KSR2: variants seen among roughly 807,000 people sequenced by gnomAD.
The protein encoded by KSR2 is kinase suppressor of ras 2.
A neutral mutation model predicts 107.8 loss-of-function variants in KSR2; 25 were observed. That is an observed-to-expected ratio of 0.23 (90% CI 0.17 to 0.32). The LOEUF (loss-of-function observed/expected upper bound fraction) is 0.32, where lower values mean the gene tolerates loss of function less well. KSR2 is among the 10% of genes least tolerant of loss of function. The pLI, the probability that KSR2 is intolerant of heterozygous loss-of-function variation, is 1.00. For synonymous variants in KSR2, 480 were observed against 507.0 expected, an observed-to-expected ratio of 0.95 and a Z score of 0.71; for missense variants, 887 against 1,268.9, an observed-to-expected ratio of 0.70 and a Z score of 4.57.
At chr12:117,752,776 T>C (rs548348522) in intron 4 of KSR2, among the ~76,000 whole-genome samples, 41 of 152,334 alleles carry the variant, frequency 2.7e-4, no homozygotes, top group African/African-American at 9.4e-4. Context: ...ATTTAAAATA[T>C]AATTCAGTTT....
chr12:117,510,278 C>T (rs564562022), intron 14 of KSR2, among the ~76,000 whole-genome samples: 2 of 152,314 alleles, frequency 1.3e-5, no homozygotes, highest in South Asian at 4.1e-4. Flanking sequence ...ATTATTATTA[C>T]TACGTGATTT....
intron 14 of KSR2, among the ~76,000 whole-genome samples, chr12:117,502,699 A>G (rs1873453268): frequency 1.3e-5 from 2 of 152,198 alleles, no homozygotes; most frequent in South Asian, 4.1e-4. Flanking sequence ...TTGTTTTAAA[A>G]AAGAAAAAAA....
At chr12:117,474,613 C>T (rs902624354) in intron 17 of KSR2, among the ~76,000 whole-genome samples, 3 of 152,088 alleles carry the variant, frequency 2.0e-5, no homozygotes, top group African/African-American at 4.8e-5. Flanking sequence ...TTTGCATGGC[C>T]ATGGGAGCCT....
rs144863858 is a variant in KSR2 at position 117,890,590 on chromosome 12, T to G, written c.181-30159A>C. ...TTTTGCAGGTTCTAAGAACTTTTCA[T>G]AGAAGAACCATATTTGTCCATGCTT... On this transcript the variant is annotated intron_variant, in intron 1 of 19. Transcript: ENST00000339824. Among the ~76,000 whole-genome samples, 233 of 152,376 alleles carry G rather than the reference T, an allele frequency of 1.5e-3. 2 individuals carry two copies. Among genetic ancestry groups the G allele is most frequent in the African/African-American group, 5.2e-3 (218 of 41,600 alleles).
chr12:117,492,403 T>C (rs16947636), intron 14 of KSR2, among the ~76,000 whole-genome samples: 15,841 of 152,152 alleles, frequency 0.1, 1,462 homozygotes, highest in African/African-American at 0.25. Flanking sequence ...CTCCAAACGC[T>C]TCAGCACCAA....
intron 5 of KSR2, among the ~76,000 whole-genome samples, chr12:117,638,003 T>C (rs1024894057): frequency 1.4e-4 from 21 of 152,284 alleles, no homozygotes; most frequent in Non-Finnish European, 2.5e-4. Flanking sequence ...GGCCTATTCA[T>C]AGAATGAAGT....
intron 1 of KSR2, among the ~76,000 whole-genome samples, chr12:117,863,625 G>A (rs191596797): frequency 1.3e-3 from 194 of 152,302 alleles, no homozygotes; most frequent in Middle Eastern, 0.01. Context: ...CTGGTTTCCT[G>A]TGGCTGCTGT....
chr12:117,585,163 T>C (rs988213385), intron 5 of KSR2, among the ~76,000 whole-genome samples: 1 of 152,084 alleles, frequency 6.6e-6, no homozygotes, highest in Non-Finnish European at 1.5e-5. Context: ...TAATAAAGAA[T>C]TAAACATCCC....
chr12:117,498,734 C>T (rs544150495), intron 14 of KSR2, among the ~76,000 whole-genome samples: 1 of 152,208 alleles, frequency 6.6e-6, no homozygotes, highest in East Asian at 1.9e-4. Flanking sequence ...GTGCCATTCT[C>T]GTGATAGTGA....
At chr12:117,808,637 G>A (rs1891087903) in intron 3 of KSR2, among the ~76,000 whole-genome samples, 1 of 152,166 alleles carries the variant, frequency 6.6e-6, no homozygotes, top group African/African-American at 2.4e-5. Context: ...AACGTAGCAT[G>A]TCTAATTGCA....
At chr12:117,833,658 T>C (rs530677562) in intron 3 of KSR2, among the ~76,000 whole-genome samples, 32 of 152,272 alleles carry the variant, frequency 2.1e-4, no homozygotes, top group African/African-American at 7.2e-4. Flanking sequence ...TATGAGCCAT[T>C]GTGCCTGGCC....
chr12:117,557,590 G>A (rs1877796812), intron 8 of KSR2, among the ~76,000 whole-genome samples: 1 of 152,212 alleles, frequency 6.6e-6, no homozygotes, highest in African/African-American at 2.4e-5. Context: ...CCTACGATGT[G>A]CAGTAGAACT....
intron 3 of KSR2, among the ~76,000 whole-genome samples, chr12:117,844,473 C>T (rs113652117): frequency 0.039 from 2,336 of 59,470 alleles, 34 homozygotes; most frequent in Middle Eastern, 0.11. Context: ...ATTCCCTCCT[C>T]TTCTGAGTAT....
At chr12:117,774,433 C>T (rs1284408300) in intron 3 of KSR2, among the ~76,000 whole-genome samples, 1 of 152,128 alleles carries the variant, frequency 6.6e-6, no homozygotes, top group Admixed American at 6.5e-5. Flanking sequence ...CTAGCCCCGC[C>T]CCAGGATGTC....
chr12:117,517,707 C>A (rs949170894), intron 14 of KSR2: 2 of 397,668 alleles, frequency 5.0e-6, no homozygotes, highest in Admixed American at 3.4e-5. Flanking sequence ...AGACAAAAAA[C>A]CTTTTCAGCT....
At chr12:117,739,310 G>A (rs76995730) in intron 4 of KSR2, among the ~76,000 whole-genome samples, 1,672 of 152,204 alleles carry the variant, frequency 0.011, 16 homozygotes, top group Non-Finnish European at 0.017. Flanking sequence ...AGCCGAGAGC[G>A]CGCCACTGCA....
chr12:117,709,766 C>T (rs1429147641), intron 4 of KSR2, among the ~76,000 whole-genome samples: 1 of 152,216 alleles, frequency 6.6e-6, no homozygotes, highest in East Asian at 1.9e-4. Context: ...TTGTGAGGGG[C>T]TGTCCCGTGT....
chr12:117,489,555 A>G (rs1266025124), intron 14 of KSR2, among the ~76,000 whole-genome samples: 3 of 151,938 alleles, frequency 2.0e-5, no homozygotes, highest in Middle Eastern at 6.3e-3. Flanking sequence ...TCTCAAAAAA[A>G]AAAAAAAAAA....
At chr12:117,854,687 G>A (rs1028323174) in intron 3 of KSR2, among the ~76,000 whole-genome samples, 2 of 152,254 alleles carry the variant, frequency 1.3e-5, no homozygotes, top group South Asian at 4.1e-4. Flanking sequence ...GGACAGAAAG[G>A]CCCCAGAATT....
Sources: gnomAD v4.1 joint callset for allele counts (sites outside exome capture counted in the v4.1 genomes callset) on GRCh38, gnomAD v4.1.1 for gene constraint, MANE v1.5 for transcripts, NCBI Gene and HGNC (gene_info 2026-07-23, HGNC 2026-07-21) for gene names.